Variants in PCLO observed in about 807,000 individuals in gnomAD.
PCLO encodes protein piccolo.
Under a neutral mutation model 427.5 loss-of-function variants are expected in PCLO, and 82 were observed. That is an observed-to-expected ratio of 0.19 (90% CI 0.16 to 0.23). The LOEUF (loss-of-function observed/expected upper bound fraction) is 0.23. Ranked by LOEUF, PCLO falls within the 10% of genes least tolerant of loss-of-function variation. The probability of loss-of-function intolerance (pLI) is 1.00; values close to 1 mark genes in which losing one functional copy is unlikely to be tolerated. For synonymous variants in PCLO, 2,357 were observed against 2,155.4 expected (o/e 1.09, Z -2.59); for missense variants, 6,239 against 6,115.9 (o/e 1.02, Z -0.67).
intron 3 of PCLO, among the ~76,000 whole-genome samples, chr7:83,047,716 C>A (rs1226024548): frequency 6.6e-6 from 1 of 151,886 alleles, no homozygotes; most frequent in Non-Finnish European, 1.5e-5. Context: ...CACAAAAATC[C>A]TTTGAAGAAA....
At chr7:83,124,909 C>T (rs1253918484) in intron 3 of PCLO, among the ~76,000 whole-genome samples, 2 of 152,154 alleles carry the variant, frequency 1.3e-5, no homozygotes, top group African/African-American at 4.8e-5. Flanking sequence ...CGCACGCCGC[C>T]ACGCCTGACT....
At chr7:83,017,700 T>C (rs950528392) in intron 3 of PCLO, among the ~76,000 whole-genome samples, 4 of 151,984 alleles carry the variant, frequency 2.6e-5, no homozygotes, top group African/African-American at 9.7e-5. Context: ...AAAACTTGTT[T>C]ACCCATTTTC....
At chr7:83,036,611 C>T (rs539814764) in intron 3 of PCLO, among the ~76,000 whole-genome samples, 1 of 152,130 alleles carries the variant, frequency 6.6e-6, no homozygotes, top group East Asian at 1.9e-4. Context: ...TGGGGGGTGA[C>T]CTCAGTATAG....
intron 3 of PCLO, among the ~76,000 whole-genome samples, chr7:82,972,275 T>C (rs976430392): frequency 1.1e-4 from 16 of 151,864 alleles, no homozygotes; most frequent in African/African-American, 3.4e-4. Context: ...AAGTAGAAAA[T>C]GAAGGCAATA....
chr7:82,887,349 T>C (rs1793651788), intron 9 of PCLO, among the ~76,000 whole-genome samples: 1 of 152,200 alleles, frequency 6.6e-6, no homozygotes, highest in Non-Finnish European at 1.5e-5. Flanking sequence ...AAATCCTTAC[T>C]CCTTTATTGA....
Position 83,127,045 on chromosome 7 carries a change from T to C in PCLO, c.3300+7205A>G, listed in dbSNP as rs1791454958. Reference sequence around the variant, plus strand: ...TGAATTTATATACTTAAAAATACAATGTAAATTATATGTACAAACATTTTA... The same window carrying C: ...TGAATTTATATACTTAAAAATACAACGTAAATTATATGTACAAACATTTTA... On this transcript the variant is annotated intron_variant, in intron 3 of 24. Coordinates refer to ENST00000333891, the MANE Select transcript of PCLO (RefSeq NM_033026.6). Among the ~76,000 whole-genome samples, 8 of 152,250 alleles carry C rather than the reference T, an allele frequency of 5.3e-5. No homozygotes were observed. In the South Asian group the frequency reaches 1.7e-3, roughly 32 times the overall value.
intron 10 of PCLO, among the ~76,000 whole-genome samples, chr7:82,857,216 T>A (rs1792830974): frequency 6.6e-6 from 1 of 152,120 alleles, no homozygotes; most frequent in South Asian, 2.1e-4. Flanking sequence ...CATTTAACAA[T>A]AACAAACTAA....
rs781315297 is a variant in PCLO, at chr7:82,954,747, A to C, written c.6206T>G (p.Met2069Arg). ...TGTTAATTGCATCTGTTGCCTCTTC[A>C]TAAGTTCTTCATAGGCAGCATCAGC... Reference protein sequence around the residue: ...LDADAAYEELMKRQQMQLTPG... With the variant: ...LDADAAYEELRKRQQMQLTPG... The change falls in exon 5 of 25, where the codon ATG becomes AGG. Residue 2069 changes from methionine to arginine, a missense_variant. Physicochemically the swap from Met to Arg is moderately conservative, Grantham distance 91. Transcript: ENST00000333891. 6.2e-7 allele frequency: 1 copy of C among 1,613,872 alleles called. No homozygotes were observed. Among genetic ancestry groups the C allele is most frequent in the Non-Finnish European group, 8.5e-7 (1 of 1,179,824 alleles).
At position 82,950,936 on chromosome 7, in the gene PCLO, G is replaced by T. The variant is rs764900762; in HGVS notation, c.9652C>A (p.Arg3218Ser). 2 of 1,613,174 alleles carry T rather than the reference G, an allele frequency of 1.2e-6. No individual in the cohort carries two copies. ...DKQQQQLDLE[R>S]ELLELEKIKQ... ...ATTTTCTCCAGTTCCAGGAGCTCAC[G>T]CTCCAAGTCTAGCTGCTGCTGTTGT... Residue 3218 changes from arginine (R) to serine (S), a missense_variant, in exon 6 of 25, where the codon CGT becomes AGT. Physicochemically the swap from Arg to Ser is moderately radical, Grantham distance 110 (BLOSUM62 -1). This residue lies in a region of PCLO where 4,677 missense variants were observed against 4,468.4 expected (regional missense o/e 1.05). Transcript: ENST00000333891.
rs757354809 is a variant in PCLO, at chr7:83,154,978, T to C, written c.1663A>G (p.Thr555Ala). ...GATCCTGTTTGGCTTACTGGTTTTG[T>C]AGATTGCTGAGCCGAGGGCTTTGCT... ...SPAKPSAQQS[T>A]KPVSQTGSGK... Residue 555 changes from threonine (T) to alanine (A), a missense_variant, in exon 2 of 25, where the codon ACA becomes GCA. Physicochemically the swap from Thr to Ala is moderately conservative, Grantham distance 58. This residue lies in a region of PCLO where 4,677 missense variants were observed against 4,468.4 expected (regional missense o/e 1.05). Coordinates refer to ENST00000333891, the MANE Select transcript of PCLO (RefSeq NM_033026.6). The C allele has an allele frequency of 2.5e-6, 4 of 1,614,018 alleles. No homozygotes were observed. The East Asian group carries it at 8.9e-5, about 36-fold the overall frequency.
Position 82,914,894 on chromosome 7 carries a change from G to A in PCLO, c.13092C>T (p.Leu4364=). ...VAQNSEEESP[L]SPVGQPMGMA... ...TTCCCATTGGCTGGCCAACAGGACT[G>A]AGTGGGCTTTCTTCTTCAGAATTCT... The change falls in exon 7 of 25, where the codon CTC becomes CTT. Residue 4364 remains leucine (L), a synonymous_variant. Coordinates refer to ENST00000333891, the MANE Select transcript of PCLO (RefSeq NM_033026.6). 6.2e-7 allele frequency: 1 copy of A among 1,613,630 alleles called. No individual in the cohort carries two copies. The highest frequency in any genetic ancestry group is 8.5e-7 in the Non-Finnish European group (1 of 1,179,724).
intron 18 of PCLO, among the ~76,000 whole-genome samples, chr7:82,824,654 T>A (rs1290630165): frequency 6.6e-6 from 1 of 150,618 alleles, no homozygotes; most frequent in Non-Finnish European, 1.5e-5. Flanking sequence ...AATTTTTGAC[T>A]ATTAACTAAA....
At chr7:83,124,266 G>A (rs532277479) in intron 3 of PCLO, among the ~76,000 whole-genome samples, 4 of 150,460 alleles carry the variant, frequency 2.7e-5, no homozygotes, top group Non-Finnish European at 4.4e-5. Flanking sequence ...GCAGTGAGCC[G>A]AGATAGCGCC....
intron 21 of PCLO, among the ~76,000 whole-genome samples, chr7:82,804,516 C>A (rs913545369): frequency 5.3e-5 from 8 of 152,070 alleles, no homozygotes; most frequent in African/African-American, 7.2e-5. Flanking sequence ...GAGAAATAGA[C>A]AATCCACCCC....
At position 82,950,242 on chromosome 7, in the gene PCLO, T is replaced by C. The variant is rs1350031495; in HGVS notation, c.10346A>G (p.Asp3449Gly). The change falls in exon 6 of 25, where the codon GAC (aspartate) becomes GGC (glycine). Residue 3449 changes from aspartate to glycine, a missense_variant. Transcript: ENST00000333891. ...ATAGCTCCGATCTGTGGCATCTTCGTCATCCGTTTGTACACCACTGTCCAC... is the reference window on the plus strand; with the variant it reads ...ATAGCTCCGATCTGTGGCATCTTCGCCATCCGTTTGTACACCACTGTCCAC... ...KIVDSGVQTD[D>G]EDATDRSYVS... 8.1e-6 allele frequency: 13 copies of C among 1,613,194 alleles called. No homozygotes were observed. The highest frequency in any genetic ancestry group is 9.3e-6 in the Non-Finnish European group (11 of 1,179,778).
chr7:82,821,452 T>C, intron 20 of PCLO: 1 of 985,456 alleles, frequency 1.0e-6, no homozygotes. Flanking sequence ...ACTAAAGGGG[T>C]TTAAAACTGG....
At chr7:83,050,551 A>G (rs933605299) in intron 3 of PCLO, among the ~76,000 whole-genome samples, 8 of 151,914 alleles carry the variant, frequency 5.3e-5, no homozygotes, top group African/African-American at 1.9e-4. Flanking sequence ...ATGTTAGCAA[A>G]TCAAATCTAA....
At chr7:82,844,171 TTA>T (rs1792440249) in intron 13 of PCLO, among the ~76,000 whole-genome samples, 1 of 152,172 alleles carries the variant, frequency 6.6e-6, no homozygotes, top group Non-Finnish European at 1.5e-5. Flanking sequence ...TTAGTATTAA[TTA>T]TGTTGGTATT....
At chr7:82,999,377 A>C in intron 3 of PCLO, among the ~76,000 whole-genome samples, 1 of 128,048 alleles carries the variant, frequency 7.8e-6, no homozygotes, top group Non-Finnish European at 1.6e-5. Context: ...TATATATTAC[A>C]TATTATTCCA....
Sources: gnomAD v4.1 joint callset for allele counts (sites outside exome capture counted in the v4.1 genomes callset) on GRCh38, gnomAD v4.1.1 for gene constraint, gnomAD v4.1.1 regional missense constraint, MANE v1.5 for transcripts, NCBI Gene and HGNC (gene_info 2026-07-23, HGNC 2026-07-21) for gene names.